The following CRNKL1 variants were observed in gnomAD, a reference collection of about 807,000 sequenced individuals.
The protein encoded by CRNKL1 is crooked neck-like protein 1.
In CRNKL1, 35 loss-of-function variants were observed where a neutral mutation model predicts 103.7. The ratio of observed to expected loss-of-function variants is 0.34; its 90% confidence interval spans 0.26 to 0.45. The LOEUF is 0.45. Among genes scored for constraint, CRNKL1 ranks in the 20% least tolerant of loss-of-function variants. The probability of loss-of-function intolerance (pLI) is 1.00; values close to 1 mark genes in which losing one functional copy is unlikely to be tolerated. For synonymous variants in CRNKL1, 267 were observed against 282.6 expected (o/e 0.94, Z 0.55); for missense variants, 645 against 836.0 (o/e 0.77, Z 2.82).
chr20:20,052,437 A>C lies in CRNKL1; in HGVS notation c.-95T>G. The C allele has an allele frequency of 1.9e-6, 3 of 1,614,200 alleles. No homozygotes were observed. The highest frequency in any genetic ancestry group is 2.5e-6 in the Non-Finnish European group (3 of 1,180,038). On this transcript the variant is annotated 5_prime_UTR_variant, in exon 1 of 14. Transcript: ENST00000536226. ...CGAAACCACAAAGCTTTCAGAAAAC[A>C]AACAGGATCTCGGAACCGGAAGCGG... is the stretch of plus-strand genomic sequence containing the variant.
chr20:20,034,505 T>C lies in CRNKL1; in HGVS notation c.*1690A>G, dbSNP rs1199396703. On this transcript the variant is annotated 3_prime_UTR_variant, in exon 14 of 14. Coordinates refer to ENST00000536226, the MANE Select transcript of CRNKL1 (RefSeq NM_001278628.2). ...GGCACATGCTTATTACAATTCTACC[T>C]TGGGAACATGACAGAATTTTTTTCT... is the stretch of plus-strand genomic sequence containing the variant. The C allele has an allele frequency of 1.3e-5, 2 of 152,172 alleles. No homozygotes were observed. The highest frequency in any genetic ancestry group is 2.9e-5 in the Non-Finnish European group (2 of 68,032). The allele number at this position is 152,172 out of a possible 1,614,324, so 9.4% of individuals were successfully genotyped here.
At chr20:20,049,823 T>TTTC in intron 2 of CRNKL1, among the ~76,000 whole-genome samples, 1 of 128,388 alleles carries the variant, frequency 7.8e-6, no homozygotes, top group African/African-American at 4.0e-5. Context: ...TCTTTCTTTC[T>TTTC]TTTTTTTTTT....
chr20:20,045,247 A>C, intron 6 of CRNKL1, 61 bp downstream of exon 6: 1 of 1,381,986 alleles, frequency 7.2e-7, no homozygotes, highest in Non-Finnish European at 9.9e-7. Flanking sequence ...TGAACTCACC[A>C]TGCACAAAAT....
chr20:20,045,605 G>T, intron 5 of CRNKL1, 119 bp from the exon 6 acceptor site: 1 of 866,896 alleles, frequency 1.2e-6, no homozygotes, highest in African/African-American at 1.7e-5. Context: ...TACAACTCTA[G>T]GGGAACAAAA....
rs1420761528 is a variant in CRNKL1 at position 20,043,551 on chromosome 20, G to A, written c.913C>T (p.Arg305Trp). Residue 305 changes from arginine (R) to tryptophan (W), a missense_variant, in exon 7 of 14, where the codon CGG becomes TGG. Transcript: ENST00000536226. ...CTCACAATGATATCTTCAATACCCCGCCTATCACCAAACTTCTTCTCAAAG... is the reference window on the plus strand; with the variant it reads ...CTCACAATGATATCTTCAATACCCCACCTATCACCAAACTTCTTCTCAAAG... ...TIFEKKFGDRRGIEDIIVSKR... is the reference protein window; with the variant it reads ...TIFEKKFGDRWGIEDIIVSKR... 1.9e-6 allele frequency: 3 copies of A among 1,613,940 alleles called. No homozygotes were observed. Among genetic ancestry groups the A allele is most frequent in the East Asian group, 2.2e-5 (1 of 44,872 alleles).
At chr20:20,052,604 G>A (rs1388244066), upstream of CRNKL1, 3 of 1,613,744 alleles carry the variant, frequency 1.9e-6, no homozygotes, top group Middle Eastern at 3.3e-4. Context: ...GGGTAACGCC[G>A]TGCTGACTAG....
In CRNKL1 at chr20:20,039,740, G is replaced by A; in HGVS notation, c.1414C>T (p.Leu472=). The change falls in exon 11 of 14, where the codon CTG becomes TTG. Residue 472 remains leucine, a synonymous_variant. Transcript: ENST00000536226. ...GTACAATTTTCAGGTCCAAATTCCAGGAACTTTTCATAAAGCTTCCGGCAT... is the reference window on the plus strand; with the variant it reads ...GTACAATTTTCAGGTCCAAATTCCAAGAACTTTTCATAAAGCTTCCGGCAT... ...DRCRKLYEKF[L]EFGPENCTSW... is the part of the protein sequence containing the mutation. 6.2e-7 allele frequency: 1 copy of A among 1,614,178 alleles called. No homozygotes were observed. The highest frequency in any genetic ancestry group is 8.5e-7 in the Non-Finnish European group (1 of 1,180,030).
intron 1 of CRNKL1, 150 bp from the exon 2 acceptor site, chr20:20,050,772 GA>G: frequency 1.7e-6 from 1 of 575,986 alleles, no homozygotes; most frequent in Non-Finnish European, 2.8e-6. Context: ...CCATGAGACT[GA>G]AAAGAAAAAA....
chr20:20,043,710 C>A (rs760173404), intron 6 of CRNKL1, 48 bp from the exon 7 acceptor site: 1 of 1,537,708 alleles, frequency 6.5e-7, no homozygotes, highest in Non-Finnish European at 9.0e-7. Context: ...TATTCTCATG[C>A]CAGTCACAAC....
chr20:20,054,645 A>C (rs61691909), upstream of CRNKL1, among the ~76,000 whole-genome samples: 12,174 of 152,256 alleles, frequency 0.08, 1,366 homozygotes, highest in East Asian at 0.6. Context: ...TTGTGTAGAC[A>C]ACATGTGGCT....
Position 20,043,481 on chromosome 20 carries a change from C to A in CRNKL1, c.972+11G>T, listed in dbSNP as rs562058647. On this transcript the variant is annotated intron_variant, in intron 7 of 13. Transcript: ENST00000536226. The stretch of plus-strand genomic sequence containing the variant: ...TTATCTGCAGAGTTGACCATCCACA[C>A]CAGTGCTCACCTTCACTTCTTCTTC... 1 of 1,611,548 alleles carries A rather than the reference C, an allele frequency of 6.2e-7. No individual in the cohort carries two copies. Among genetic ancestry groups the A allele is most frequent in the African/African-American group, 1.3e-5 (1 of 74,998 alleles).
At chr20:20,043,778 A>C in intron 6 of CRNKL1, 116 bp from the exon 7 acceptor site, 1 of 905,658 alleles carries the variant, frequency 1.1e-6, no homozygotes, top group Non-Finnish European at 1.7e-6. Context: ...GCCTCATAAT[A>C]TCCAGAGTAA....
chr20:20,049,521 T>A lies in CRNKL1; in HGVS notation c.205-90A>T, dbSNP rs145229039. ...TATTTTAAGTCTTGTACTAAAATGG[T>A]TATTCATTTTGTTCATATTTAAGAG... On this transcript the variant is annotated intron_variant, in intron 2 of 13. Coordinates refer to ENST00000536226, the MANE Select transcript of CRNKL1 (RefSeq NM_001278628.2). 6.9e-4 allele frequency: 453 copies of A among 659,822 alleles called. No homozygotes were observed. The African/African-American group carries it at 7.5e-3, about 11-fold the overall frequency. 40.9% of individuals were successfully genotyped at this position (659,822 alleles called of 1,614,324 possible).
At position 20,042,477 on chromosome 20, in the gene CRNKL1, G is replaced by T; in HGVS notation, c.1012C>A (p.Arg338Ser). ...HNYDAWFDYL[R>S]LVESDAEAEA... ...GCTTCTGCGTCACTTTCTACCAAGC[G>T]CAAGTAATCAAACCATGCATCATAA... is the stretch of plus-strand genomic sequence containing the variant. The change falls in exon 8 of 14, where the codon CGC becomes AGC. Residue 338 changes from arginine (R) to serine (S), a missense_variant. Coordinates refer to ENST00000536226, the MANE Select transcript of CRNKL1 (RefSeq NM_001278628.2). The T allele has an allele frequency of 2.5e-6, 4 of 1,613,816 alleles. No homozygotes were observed. The highest frequency in any genetic ancestry group is 3.4e-6 in the Non-Finnish European group (4 of 1,179,906).
At chr20:20,050,983 C>G (rs1268392556) in intron 1 of CRNKL1, among the ~76,000 whole-genome samples, 1 of 152,208 alleles carries the variant, frequency 6.6e-6, no homozygotes, top group Non-Finnish European at 1.5e-5. Flanking sequence ...AACAGCATTA[C>G]AACCTGCATT....
intron 4 of CRNKL1, 108 bp downstream of exon 4, chr20:20,048,231 GAAGA>G: frequency 8.1e-7 from 1 of 1,240,566 alleles, no homozygotes; most frequent in South Asian, 1.5e-5. Context: ...ATTTATGTCT[GAAGA>G]AAAAGTAGGA....
At chr20:20,043,376 T>A in intron 7 of CRNKL1, 116 bp downstream of exon 7, 1 of 1,008,902 alleles carries the variant, frequency 9.9e-7, no homozygotes, top group South Asian at 1.8e-5. Context: ...CACGGGCACA[T>A]CATCACGAGA....
chr20:20,052,189 C>T (rs2146510471), intron 1 of CRNKL1, 103 bp downstream of exon 1: 1 of 1,004,948 alleles, frequency 1.0e-6, no homozygotes, highest in South Asian at 1.6e-5. Context: ...CAGGGTGAGC[C>T]TTCTCCCCGG....
At chr20:20,040,510 C>T (rs758659973) in intron 10 of CRNKL1, among the ~76,000 whole-genome samples, 176 bp downstream of exon 10, 40 of 152,224 alleles carry the variant, frequency 2.6e-4, no homozygotes, top group Non-Finnish European at 5.3e-4. Context: ...GAATAATTTA[C>T]GCATTATTAG....
Sources: allele counts gnomAD v4.1 joint callset (sites outside exome capture counted in the v4.1 genomes callset), GRCh38; gene constraint gnomAD v4.1.1; transcripts MANE v1.5; gene names NCBI Gene and HGNC (gene_info 2026-07-23, HGNC 2026-07-21).